The following CPEB3 variants were observed in gnomAD, a reference collection of about 807,000 sequenced individuals.
The protein encoded by CPEB3 is cytoplasmic polyadenylation element-binding protein 3.
In CPEB3, 20 loss-of-function variants were observed where a neutral mutation model predicts 67.2. The observed-to-expected ratio is 0.30, with a 90% CI of 0.21 to 0.43. CPEB3 has a LOEUF of 0.43. CPEB3 is among the 20% of genes least tolerant of loss of function. CPEB3 has a pLI of 1.00. For synonymous variants in CPEB3, 376 were observed against 393.1 expected, an observed-to-expected ratio of 0.96 and a Z score of 0.51; for missense variants, 746 against 968.6, an observed-to-expected ratio of 0.77 and a Z score of 3.05.
chr10:92,239,468 G>C lies in CPEB3; in HGVS notation c.883C>G (p.Pro295Ala), dbSNP rs1365221267. 2.5e-6 allele frequency: 4 copies of C among 1,594,888 alleles called. No individual in the cohort carries two copies. Among genetic ancestry groups the C allele is most frequent in the Non-Finnish European group, 3.4e-6 (4 of 1,170,426 alleles). Residue 295 changes from proline (P) to alanine (A), a missense_variant, in exon 2 of 10, where the codon CCC becomes GCC. By Grantham distance (27) the Pro-to-Ala change is conservative (BLOSUM62 -1). This residue lies in a region of CPEB3 where 643 missense variants were observed against 717.5 expected (regional missense o/e 0.90). Transcript: ENST00000265997. The surrounding 1 kb of genome is among the most constrained non-coding windows in gnomAD (Gnocchi z 6.0). ...GGCGCGATCACGTTGCTGGAGAAGG[G>C]CTTTTTGAGCGGCGAGATGGGGTTG... ...PLNPISPLKKPFSSNVIAPPK... is the reference protein window; with the variant it reads ...PLNPISPLKKAFSSNVIAPPK...
rs371069138 is a variant in CPEB3, at chr10:92,182,329, C to T, written c.1166-1310G>A. ...GATCATTTGATGGTAAACTCCGTTA[C>T]AGGGGACTGGAGGCAAATAGCATTA... On this transcript the variant is annotated intron_variant, in intron 3 of 9. Transcript: ENST00000265997. 6.6e-5 allele frequency among the ~76,000 whole-genome samples: 10 copies of T among 152,296 alleles called. No homozygotes were observed. The East Asian group carries it at 1.9e-3, about 29-fold the overall frequency.
intron 3 of CPEB3, among the ~76,000 whole-genome samples, chr10:92,189,654 A>T (rs1390092936): frequency 6.6e-6 from 1 of 151,858 alleles, no homozygotes; most frequent in East Asian, 1.9e-4. Flanking sequence ...GGATGTTAAT[A>T]AAAATAATAA....
chr10:92,276,518 A>C lies in CPEB3; in HGVS notation c.-12+14408T>G, dbSNP rs1263067463. On this transcript the variant is annotated intron_variant, in intron 1 of 9. Transcript: ENST00000265997. ...GGTCTTGAACTCCTGACCTCAAGTG[A>C]TCCACCTGCCTTGGCCTCCCAAAGT... is the stretch of plus-strand genomic sequence containing the variant. Among the ~76,000 whole-genome samples the C allele has an allele frequency of 2.6e-5, 4 of 151,966 alleles. No individual in the cohort carries two copies. The East Asian group carries it at 7.8e-4, about 30-fold the overall frequency.
At chr10:92,247,434 G>C (rs779717624) in intron 1 of CPEB3, among the ~76,000 whole-genome samples, 6 of 151,962 alleles carry the variant, frequency 3.9e-5, no homozygotes, top group Non-Finnish European at 7.4e-5. Context: ...TTTCACTCTT[G>C]TTGCCCAGGC....
Position 92,123,702 on chromosome 10 carries a change from G to A in CPEB3, c.1454-12508C>T, listed in dbSNP as rs143555993. 9.3e-4 allele frequency among the ~76,000 whole-genome samples: 142 copies of A among 152,222 alleles called. 1 individual carries two copies. In the East Asian group the frequency reaches 0.025, roughly 27 times the overall value. ...TACAGACAGATGAAGCTTTAGTCTGGCCTTGTGCATATACTGCCTGAGCTT... is the reference window on the plus strand; with the variant it reads ...TACAGACAGATGAAGCTTTAGTCTGACCTTGTGCATATACTGCCTGAGCTT... On this transcript the variant is annotated intron_variant, in intron 6 of 9. Transcript: ENST00000265997.
At chr10:92,216,456 G>A in intron 2 of CPEB3, 2 of 1,612,804 alleles carry the variant, frequency 1.2e-6, no homozygotes, top group East Asian at 4.5e-5. Flanking sequence ...GCTTCTCGCC[G>A]CCTCAAGCGG....
intron 2 of CPEB3, among the ~76,000 whole-genome samples, chr10:92,226,294 C>T (rs990820810): frequency 1.1e-4 from 16 of 152,214 alleles, no homozygotes; most frequent in African/African-American, 3.9e-4. Context: ...CAAGTACAAA[C>T]TCTTCTTTGT....
At chr10:92,094,284 C>T (rs1026478632) in intron 7 of CPEB3, among the ~76,000 whole-genome samples, 12 of 152,154 alleles carry the variant, frequency 7.9e-5, no homozygotes, top group Middle Eastern at 6.8e-3. Flanking sequence ...TGTAGACATT[C>T]GCTCCACCTT....
chr10:92,091,216 T>C lies in CPEB3; in HGVS notation c.1687+614A>G, dbSNP rs144620669. 5.8e-3 allele frequency among the ~76,000 whole-genome samples: 877 copies of C among 151,482 alleles called. 9 individuals carry two copies. The highest frequency in any genetic ancestry group is 8.3e-3 in the Non-Finnish European group (559 of 67,688). Reference sequence around the variant, plus strand: ...ACAGTGGCAACAGTAACTTTTTTTGTCTTACTTTAAAAAAATAAACTTAAT... The same window carrying C: ...ACAGTGGCAACAGTAACTTTTTTTGCCTTACTTTAAAAAAATAAACTTAAT... On this transcript the variant is annotated intron_variant, in intron 8 of 9. Transcript: ENST00000265997.
chr10:92,103,416 C>T (rs1305982835), intron 7 of CPEB3, among the ~76,000 whole-genome samples: 2 of 152,182 alleles, frequency 1.3e-5, no homozygotes, highest in Non-Finnish European at 2.9e-5. Flanking sequence ...TAAAAATTAT[C>T]CCTACTTTAG....
At chr10:92,193,363 C>T (rs1034455626) in intron 2 of CPEB3, among the ~76,000 whole-genome samples, 3 of 152,094 alleles carry the variant, frequency 2.0e-5, no homozygotes, top group African/African-American at 7.2e-5. Flanking sequence ...TTTAAAAGGA[C>T]GAGTCAAGTT....
At chr10:92,157,699 C>T (rs1847271685) in intron 4 of CPEB3, among the ~76,000 whole-genome samples, 1 of 152,070 alleles carries the variant, frequency 6.6e-6, no homozygotes. Flanking sequence ...CAAGTTCTGC[C>T]TTCTAAGTTG....
At chr10:92,228,819 T>C (rs1273711087) in intron 2 of CPEB3, among the ~76,000 whole-genome samples, 3 of 151,794 alleles carry the variant, frequency 2.0e-5, no homozygotes, top group Non-Finnish European at 4.4e-5. Flanking sequence ...GTTCAAGCAA[T>C]TCTCCTGCCT....
At chr10:92,093,880 A>G (rs1326570729) in intron 7 of CPEB3, among the ~76,000 whole-genome samples, 1 of 151,648 alleles carries the variant, frequency 6.6e-6, no homozygotes, top group Non-Finnish European at 1.5e-5. Flanking sequence ...TTTGAGACAG[A>G]GTGTTGCTTT....
intron 4 of CPEB3, among the ~76,000 whole-genome samples, chr10:92,155,912 T>C (rs899306460): frequency 6.6e-6 from 1 of 152,174 alleles, no homozygotes; most frequent in Non-Finnish European, 1.5e-5. Flanking sequence ...ATATTCTTGA[T>C]GTATAGTATT....
At chr10:92,266,706 T>A (rs1853073643) in intron 1 of CPEB3, among the ~76,000 whole-genome samples, 1 of 151,236 alleles carries the variant, frequency 6.6e-6, no homozygotes, top group Non-Finnish European at 1.5e-5. Context: ...AACAAAAGGG[T>A]GATGTGACTG....
rs58497259 is a variant in CPEB3, at chr10:92,071,070, TACACACACAC to T, written c.1869+10240_1869+10249del. ...TACAGTTTTCAAAAACACTTTCATT[TACACACACAC>T]ACACACACACACACACACACACACA... On this transcript the variant is annotated intron_variant, in intron 9 of 9. Coordinates refer to ENST00000265997, the MANE Select transcript of CPEB3 (RefSeq NM_014912.5). Among the ~76,000 whole-genome samples, 896 of 147,714 alleles carry T rather than the reference TACACACACAC, an allele frequency of 6.1e-3. 4 individuals carry two copies. The highest frequency in any genetic ancestry group is 9.8e-3 in the African/African-American group (394 of 40,242).
At chr10:92,123,972 C>T (rs1306946730) in intron 6 of CPEB3, among the ~76,000 whole-genome samples, 1 of 152,212 alleles carries the variant, frequency 6.6e-6, no homozygotes, top group Non-Finnish European at 1.5e-5. Flanking sequence ...TGCTCACAGC[C>T]TTAGCCCTAT....
In CPEB3 at chr10:92,190,240, T is replaced by C. The variant is rs184701921; in HGVS notation, c.1165+2237A>G. 2.3e-4 allele frequency among the ~76,000 whole-genome samples: 35 copies of C among 151,958 alleles called. No homozygotes were observed. The East Asian group carries it at 6.6e-3, about 29-fold the overall frequency. ...TTGCAGTGAGCCAACATCACGCCAT[T>C]GCACTCCAGCCTGGGCGACAAGAGC... On this transcript the variant is annotated intron_variant, in intron 3 of 9. Coordinates refer to ENST00000265997, the MANE Select transcript of CPEB3 (RefSeq NM_014912.5).
Sources: allele counts gnomAD v4.1 joint callset (sites outside exome capture counted in the v4.1 genomes callset), GRCh38; gene constraint gnomAD v4.1.1; regional missense constraint gnomAD v4.1.1; non-coding constraint Gnocchi (gnomAD v3.1); transcripts MANE v1.5; gene names NCBI Gene and HGNC (gene_info 2026-07-23, HGNC 2026-07-21).